ATXN1: variants seen among roughly 807,000 people sequenced by gnomAD.
ATXN1 encodes the protein ataxin-1.
Under a neutral mutation model 56.4 loss-of-function variants are expected in ATXN1, and 8 were observed. The observed-to-expected ratio is 0.14, with a 90% CI of 0.08 to 0.26. The LOEUF is 0.26. Among genes scored for constraint, ATXN1 ranks in the 10% least tolerant of loss-of-function variants. The probability of loss-of-function intolerance (pLI) is 1.00; values close to 1 mark genes in which losing one functional copy is unlikely to be tolerated. For missense variants in ATXN1, 987 were observed against 1,106.5 expected (o/e 0.89, Z 1.53); for synonymous variants, 514 against 494.6 (o/e 1.04, Z -0.52).
chr6:16,747,670 AAAAAC>A (rs1760579575), intron 2 of ATXN1, among the ~76,000 whole-genome samples: 1 of 152,186 alleles, frequency 6.6e-6, no homozygotes, highest in Admixed American at 6.5e-5. Flanking sequence ...CAAAAAAAAA[AAAAAC>A]AAAAGTCCTC....
chr6:16,519,276 T>C (rs1023202925), intron 5 of ATXN1, among the ~76,000 whole-genome samples: 2 of 152,082 alleles, frequency 1.3e-5, no homozygotes, highest in African/African-American at 4.8e-5. Context: ...GTCAAATGGA[T>C]GGTAAAGATT....
intron 3 of ATXN1, among the ~76,000 whole-genome samples, chr6:16,593,475 A>C (rs140993902): frequency 6.6e-6 from 1 of 152,240 alleles, no homozygotes; most frequent in Admixed American, 6.5e-5. Flanking sequence ...CCTGTGAAGC[A>C]TAAGAATAAA....
chr6:16,659,890 C>G (rs1758282070), intron 2 of ATXN1, among the ~76,000 whole-genome samples: 1 of 152,034 alleles, frequency 6.6e-6, no homozygotes, highest in Non-Finnish European at 1.5e-5. Context: ...CAACCTTCAC[C>G]AGCTGCCAAA....
chr6:16,308,669 G>C (rs868737297), intron 7 of ATXN1, among the ~76,000 whole-genome samples: 16 of 152,238 alleles, frequency 1.1e-4, no homozygotes, highest in Admixed American at 6.5e-4. Context: ...TGACTCATCT[G>C]AGTCCCTAAA....
intron 4 of ATXN1, among the ~76,000 whole-genome samples, chr6:16,529,355 T>G (rs1456179323): frequency 6.6e-6 from 1 of 151,302 alleles, no homozygotes; most frequent in Non-Finnish European, 1.5e-5. Context: ...GTGCTGACAG[T>G]GGCAACGACA....
At chr6:16,706,532 G>C (rs1759409389) in intron 2 of ATXN1, among the ~76,000 whole-genome samples, 1 of 152,048 alleles carries the variant, frequency 6.6e-6, no homozygotes, top group Non-Finnish European at 1.5e-5. Flanking sequence ...AGACCATCCT[G>C]ACCAACAAGG....
At chr6:16,643,758 A>G (rs924248107) in intron 3 of ATXN1, among the ~76,000 whole-genome samples, 9 of 152,174 alleles carry the variant, frequency 5.9e-5, no homozygotes, top group African/African-American at 1.2e-4. Flanking sequence ...AAAGAGGCAC[A>G]TGAAACTATG....
chr6:16,592,963 TC>T (rs765231629), intron 3 of ATXN1, among the ~76,000 whole-genome samples: 7 of 152,136 alleles, frequency 4.6e-5, no homozygotes, highest in Non-Finnish European at 7.4e-5. Context: ...TTCTCAATCC[TC>T]CCCATGATTG....
intron 3 of ATXN1, among the ~76,000 whole-genome samples, chr6:16,587,501 T>C (rs1762646093): frequency 6.6e-6 from 1 of 152,218 alleles, no homozygotes; most frequent in Admixed American, 6.5e-5. Flanking sequence ...AACAAAATTA[T>C]GTATGGGTCC....
At chr6:16,340,833 G>A (rs1453149577) in intron 6 of ATXN1, among the ~76,000 whole-genome samples, 2 of 152,240 alleles carry the variant, frequency 1.3e-5, no homozygotes, top group African/African-American at 4.8e-5. Context: ...ACTGTGGCCA[G>A]GGAACAGGCA....
intron 3 of ATXN1, among the ~76,000 whole-genome samples, chr6:16,625,248 C>T (rs970949680): frequency 1.3e-5 from 2 of 152,184 alleles, no homozygotes; most frequent in Non-Finnish European, 2.9e-5. Flanking sequence ...ACTACCTACC[C>T]TGGGAGCAAG....
At chr6:16,379,972 C>T (rs1357304567) in intron 6 of ATXN1, among the ~76,000 whole-genome samples, 3 of 152,184 alleles carry the variant, frequency 2.0e-5, no homozygotes, top group African/African-American at 7.2e-5. Context: ...ATGGACTGTA[C>T]ACATCCACCC....
chr6:16,503,949 T>G (rs940482542), intron 5 of ATXN1, among the ~76,000 whole-genome samples: 12 of 152,140 alleles, frequency 7.9e-5, no homozygotes, highest in African/African-American at 2.9e-4. Context: ...AACTCTTCAT[T>G]TTGCAAAACT....
At chr6:16,372,841 G>A (rs145163874) in intron 6 of ATXN1, among the ~76,000 whole-genome samples, 2,472 of 152,222 alleles carry the variant, frequency 0.016, 64 homozygotes, top group African/African-American at 0.055. Context: ...ACTTGAGCCT[G>A]GGAGACAGAG....
At chr6:16,694,464 G>C (rs1006481971) in intron 2 of ATXN1, among the ~76,000 whole-genome samples, 4 of 151,900 alleles carry the variant, frequency 2.6e-5, no homozygotes, top group Non-Finnish European at 5.9e-5. Context: ...ATGTTGCCCA[G>C]GCTCGTCACA....
intron 4 of ATXN1, among the ~76,000 whole-genome samples, chr6:16,552,450 G>A (rs535715759): frequency 7.2e-5 from 11 of 152,324 alleles, no homozygotes; most frequent in South Asian, 2.1e-4. Context: ...ACAACGTTAC[G>A]TTAGCAGAGA....
intron 4 of ATXN1, among the ~76,000 whole-genome samples, chr6:16,523,150 C>T (rs1761326087): frequency 6.6e-6 from 1 of 152,202 alleles, no homozygotes; most frequent in African/African-American, 2.4e-5. Context: ...GCTCCTTCCA[C>T]CTCAGCCTCC....
intron 4 of ATXN1, among the ~76,000 whole-genome samples, chr6:16,581,326 C>A (rs996864963): frequency 6.6e-6 from 1 of 151,578 alleles, no homozygotes; most frequent in Non-Finnish European, 1.5e-5. Context: ...AAGAAGAAAA[C>A]ATCTGGGTAG....
intron 7 of ATXN1, among the ~76,000 whole-genome samples, chr6:16,311,879 C>T (rs893991039): frequency 9.2e-5 from 14 of 152,222 alleles, no homozygotes; most frequent in African/African-American, 3.4e-4. Flanking sequence ...TTGCGGTTTG[C>T]TTATTCTTGC....
Sources: gnomAD v4.1 joint callset for allele counts (sites outside exome capture counted in the v4.1 genomes callset) on GRCh38, gnomAD v4.1.1 for gene constraint, MANE v1.5 for transcripts, NCBI Gene and HGNC (gene_info 2026-07-23, HGNC 2026-07-21) for gene names.